CELF4: variants seen among roughly 807,000 people sequenced by gnomAD.
CELF4 encodes the protein CUG-BP- and ETR-3-like factor 4.
Under a neutral mutation model 59.9 loss-of-function variants are expected in CELF4, and 18 were observed. The ratio of observed to expected loss-of-function variants is 0.30; its 90% CI spans 0.21 to 0.45. The LOEUF (loss-of-function observed/expected upper bound fraction) is 0.45. CELF4 is among the 20% of genes least tolerant of loss of function. The pLI, the probability that CELF4 is intolerant of heterozygous loss-of-function variation, is 1.00. For missense variants in CELF4, 456 were observed against 689.0 expected, an observed-to-expected ratio of 0.66 and a Z score of 3.79; for synonymous variants, 261 against 267.1, an observed-to-expected ratio of 0.98 and a Z score of 0.22.
chr18:37,518,147 A>C (rs1305851017), intron 1 of CELF4, among the ~76,000 whole-genome samples: 1 of 152,116 alleles, frequency 6.6e-6, no homozygotes, highest in East Asian at 1.9e-4. Context: ...ACTCTAGGGA[A>C]TGCTGTGGCC....
intron 2 of CELF4, among the ~76,000 whole-genome samples, chr18:37,400,345 T>C (rs929574337): frequency 1.3e-5 from 2 of 152,342 alleles, no homozygotes; most frequent in Non-Finnish European, 2.9e-5. Context: ...TGTATGTATA[T>C]ATATGTATGC....
At chr18:37,485,791 C>T in intron 1 of CELF4, 184 bp from the exon 2 acceptor site, 1 of 386,924 alleles carries the variant, frequency 2.6e-6, no homozygotes, top group East Asian at 3.7e-5. Context: ...GGCTGTCTGC[C>T]TCTCGTACCT....
chr18:37,427,046 G>A (rs1011159095), intron 2 of CELF4, among the ~76,000 whole-genome samples: 1 of 151,808 alleles, frequency 6.6e-6, no homozygotes, highest in Non-Finnish European at 1.5e-5. Context: ...ACGGGGGGGG[G>A]GGAAGCTGGG....
intron 6 of CELF4, chr18:37,273,646 G>A (rs560219265): frequency 1.3e-5 from 13 of 988,470 alleles, no homozygotes; most frequent in East Asian, 2.2e-4. Context: ...AGGTGAGTGC[G>A]GACAGGGGAG....
intron 3 of CELF4, among the ~76,000 whole-genome samples, chr18:37,277,180 AATG>A (rs150961437): frequency 0.023 from 3,456 of 152,284 alleles, 66 homozygotes; most frequent in Non-Finnish European, 0.032. Context: ...GCCAGTTCTC[AATG>A]ATGATGTGGT....
At chr18:37,292,332 C>G (rs1344671880) in intron 3 of CELF4, among the ~76,000 whole-genome samples, 1 of 152,186 alleles carries the variant, frequency 6.6e-6, no homozygotes, top group Non-Finnish European at 1.5e-5. Flanking sequence ...TTTAACAAGA[C>G]TGTCCAAAGC....
intron 3 of CELF4, among the ~76,000 whole-genome samples, chr18:37,308,813 G>A (rs796910669): frequency 7.9e-5 from 12 of 152,268 alleles, no homozygotes; most frequent in Non-Finnish European, 1.3e-4. Flanking sequence ...CAAAGCCTTC[G>A]TCATTGCCAG....
intron 12 of CELF4, among the ~76,000 whole-genome samples, chr18:37,249,383 C>T (rs562926481): frequency 3.3e-5 from 5 of 152,274 alleles, no homozygotes; most frequent in Non-Finnish European, 5.9e-5. Flanking sequence ...CCTTCATGGG[C>T]GTTTACTCCT....
intron 1 of CELF4, among the ~76,000 whole-genome samples, chr18:37,491,427 C>A (rs1168697110): frequency 6.6e-6 from 1 of 152,178 alleles, no homozygotes; most frequent in African/African-American, 2.4e-5. Context: ...TTACTTAATC[C>A]CTTCCATTTA....
Position 37,485,506 on chromosome 18 carries a change from C to A in CELF4, c.369+19G>T. 1.5e-6 allele frequency: 2 copies of A among 1,336,414 alleles called. No homozygotes were observed. Among genetic ancestry groups the A allele is most frequent in the African/African-American group, 1.5e-5 (1 of 66,902 alleles). The allele number at this position is 1,336,414 out of a possible 1,614,324, so 82.8% of individuals were successfully genotyped here. ...CTGTCGGCGCGTCGGCCGCTTGCGC[C>A]ACGGCGGGCGCCACTTACCCCGGGC... is the stretch of plus-strand genomic sequence containing the variant. On this transcript the variant is annotated intron_variant, in intron 2 of 12. Coordinates refer to ENST00000420428, the MANE Select transcript of CELF4 (RefSeq NM_020180.4).
chr18:37,470,790 C>T (rs1360481793), intron 2 of CELF4, among the ~76,000 whole-genome samples: 1 of 147,326 alleles, frequency 6.8e-6, no homozygotes, highest in East Asian at 2.1e-4. Context: ...ACCCAGGGAG[C>T]ATTTGCAACA....
chr18:37,322,818 G>T (rs941644426), intron 2 of CELF4, among the ~76,000 whole-genome samples: 1 of 152,330 alleles, frequency 6.6e-6, no homozygotes, highest in South Asian at 2.1e-4. Context: ...TCTTGCATCT[G>T]CATTTCTCTC....
At chr18:37,429,402 G>A (rs1301269579) in intron 2 of CELF4, among the ~76,000 whole-genome samples, 7 of 150,840 alleles carry the variant, frequency 4.6e-5, no homozygotes, top group Non-Finnish European at 1.0e-4. Context: ...GTTTGCTGGT[G>A]TGTCTGTGTC....
intron 2 of CELF4, among the ~76,000 whole-genome samples, chr18:37,329,614 C>T (rs1278377828): frequency 6.6e-6 from 1 of 152,250 alleles, no homozygotes; most frequent in African/African-American, 2.4e-5. Context: ...TCCCCTTAAC[C>T]TGTGTCTAGG....
At chr18:37,476,700 A>C (rs572119562) in intron 2 of CELF4, among the ~76,000 whole-genome samples, 42 of 152,110 alleles carry the variant, frequency 2.8e-4, no homozygotes, top group Non-Finnish European at 4.0e-4. Flanking sequence ...CCAATCCTAA[A>C]ACACATCCAT....
At chr18:37,539,033 G>T (rs2099975744) in intron 1 of CELF4, among the ~76,000 whole-genome samples, 1 of 152,104 alleles carries the variant, frequency 6.6e-6, no homozygotes, top group South Asian at 2.1e-4. Flanking sequence ...GCAGTGGCAG[G>T]CTTGAGAATG....
intron 2 of CELF4, among the ~76,000 whole-genome samples, chr18:37,344,084 C>T (rs2098159479): frequency 6.6e-6 from 1 of 152,194 alleles, no homozygotes; most frequent in African/African-American, 2.4e-5. Flanking sequence ...TCACCCATTG[C>T]CTAGGACTGT....
chr18:37,283,521 G>A (rs911893843), intron 3 of CELF4, among the ~76,000 whole-genome samples: 3 of 152,064 alleles, frequency 2.0e-5, no homozygotes, highest in East Asian at 1.9e-4. Flanking sequence ...CTAAATCGCC[G>A]GGCATGTAGT....
chr18:37,439,654 G>A (rs1321836582), intron 2 of CELF4, among the ~76,000 whole-genome samples: 1 of 152,108 alleles, frequency 6.6e-6, no homozygotes, highest in Non-Finnish European at 1.5e-5. Context: ...TCTTCTCTGG[G>A]AAGCTCTCCC....
Sources: allele counts gnomAD v4.1 joint callset (sites outside exome capture counted in the v4.1 genomes callset), GRCh38; gene constraint gnomAD v4.1.1; transcripts MANE v1.5; gene names NCBI Gene and HGNC (gene_info 2026-07-23, HGNC 2026-07-21).